SLAIN2: variants seen among roughly 807,000 people sequenced by gnomAD.
SLAIN2 encodes SLAIN motif-containing protein 2.
A neutral mutation model predicts 56.6 loss-of-function variants in SLAIN2; 31 were observed. The observed-to-expected ratio is 0.55, with a 90% confidence interval of 0.41 to 0.74. SLAIN2 has a LOEUF of 0.74. SLAIN2 is among the 30% of genes least tolerant of loss of function. SLAIN2 has a pLI of 0.00. For synonymous variants in SLAIN2, 317 were observed against 284.9 expected (o/e 1.11, Z -1.13); for missense variants, 777 against 754.2 (o/e 1.03, Z -0.35).
intron 6 of SLAIN2, among the ~76,000 whole-genome samples, chr4:48,401,162 T>G (rs1326617349): frequency 6.6e-6 from 1 of 152,222 alleles, no homozygotes; most frequent in Non-Finnish European, 1.5e-5. Context: ...GAGACTGTTA[T>G]GATTTCAGTT....
intron 1 of SLAIN2, among the ~76,000 whole-genome samples, chr4:48,360,807 A>G (rs1715307112): frequency 1.3e-5 from 2 of 152,154 alleles, no homozygotes; most frequent in Admixed American, 1.3e-4. Flanking sequence ...GCAACCACTG[A>G]TCAACTTGTC....
intron 1 of SLAIN2, among the ~76,000 whole-genome samples, chr4:48,353,668 G>A (rs1310390907): frequency 6.6e-6 from 1 of 152,118 alleles, no homozygotes; most frequent in Admixed American, 6.5e-5. Context: ...ACTAAGCTGT[G>A]GAGTATATCT....
chr4:48,349,660 C>A (rs1714960682), intron 1 of SLAIN2, among the ~76,000 whole-genome samples: 1 of 152,082 alleles, frequency 6.6e-6, no homozygotes, highest in African/African-American at 2.4e-5. Flanking sequence ...TTTAAAAAAT[C>A]CTATTGATAA....
Position 48,379,838 on chromosome 4 carries a change from G to A in SLAIN2, c.852G>A (p.Met284Ile). 1 of 1,549,752 alleles carries A rather than the reference G, an allele frequency of 6.5e-7. No homozygotes were observed. Among genetic ancestry groups the A allele is most frequent in the Admixed American group, 2.3e-5 (1 of 44,326 alleles). ...DVTDVQILAR[M>I]QEESLRQEYA... Reference sequence around the variant, plus strand: ...CTGATGTACAGATTCTAGCCCGGATGCAGGAAGAAAGTAAGTATTCTAATT... The same window carrying A: ...CTGATGTACAGATTCTAGCCCGGATACAGGAAGAAAGTAAGTATTCTAATT... The change falls in exon 4 of 8, where the codon ATG (methionine) becomes ATA (isoleucine). Residue 284 changes from methionine to isoleucine, a missense_variant. By Grantham distance (10) the Met-to-Ile change is conservative (BLOSUM62 1). Coordinates refer to ENST00000264313, the MANE Select transcript of SLAIN2 (RefSeq NM_020846.2).
At chr4:48,418,620 T>A (rs527806897) in intron 6 of SLAIN2, among the ~76,000 whole-genome samples, 14 of 152,338 alleles carry the variant, frequency 9.2e-5, no homozygotes, top group African/African-American at 3.1e-4. Context: ...TCTTTTTTGA[T>A]ACTGTCCTTT....
intron 1 of SLAIN2, among the ~76,000 whole-genome samples, chr4:48,345,665 A>AGG (rs1714845583): frequency 6.6e-6 from 1 of 152,000 alleles, no homozygotes; most frequent in South Asian, 2.1e-4. Flanking sequence ...CTTAAATATA[A>AGG]AGCTTTTATT....
intron 6 of SLAIN2, among the ~76,000 whole-genome samples, chr4:48,405,584 A>AT (rs1716671874): frequency 6.6e-6 from 1 of 151,980 alleles, no homozygotes; most frequent in Non-Finnish European, 1.5e-5. Context: ...AATTAATTGA[A>AT]TTGTTTTGCT....
chr4:48,386,781 G>A (rs1260861836), intron 6 of SLAIN2, among the ~76,000 whole-genome samples: 7 of 152,104 alleles, frequency 4.6e-5, no homozygotes, highest in Non-Finnish European at 5.9e-5. Flanking sequence ...GAGTGATACA[G>A]ATTAATTTGA....
At chr4:48,413,164 G>A (rs981097599) in intron 6 of SLAIN2, among the ~76,000 whole-genome samples, 8 of 151,844 alleles carry the variant, frequency 5.3e-5, no homozygotes, top group African/African-American at 9.7e-5. Context: ...TGAGGCAGAC[G>A]TTGCAGTGAA....
chr4:48,392,151 T>C (rs1285067103), intron 6 of SLAIN2, among the ~76,000 whole-genome samples: 3 of 152,328 alleles, frequency 2.0e-5, no homozygotes, highest in East Asian at 3.9e-4. Context: ...AGAATAACAT[T>C]GGATTTTTGT....
intron 6 of SLAIN2, among the ~76,000 whole-genome samples, chr4:48,398,708 C>T (rs187711185): frequency 6.6e-6 from 1 of 152,132 alleles, no homozygotes; most frequent in Non-Finnish European, 1.5e-5. Flanking sequence ...CAATTTTCTG[C>T]ATATGGCTAG....
At chr4:48,399,842 G>C (rs1254304375) in intron 6 of SLAIN2, among the ~76,000 whole-genome samples, 3 of 151,996 alleles carry the variant, frequency 2.0e-5, no homozygotes, top group East Asian at 3.9e-4. Context: ...CTTGCATCCC[G>C]AGGATAAAGC....
chr4:48,381,767 G>C (rs1222419331), intron 4 of SLAIN2, among the ~76,000 whole-genome samples: 1 of 152,142 alleles, frequency 6.6e-6, no homozygotes, highest in Admixed American at 6.5e-5. Flanking sequence ...TTTTTGACTG[G>C]AGTGCTAATA....
At chr4:48,383,812 A>G in intron 6 of SLAIN2, 28 bp downstream of exon 6, 2 of 1,591,322 alleles carry the variant, frequency 1.3e-6, no homozygotes, top group South Asian at 1.1e-5. Flanking sequence ...GCTTTCATGT[A>G]TCAGTTATTT....
In SLAIN2 at chr4:48,409,514, C is replaced by T. The variant is rs576241747; in HGVS notation, c.1361-10611C>T. Among the ~76,000 whole-genome samples the T allele has an allele frequency of 3.8e-4, 58 of 152,302 alleles. 1 individual carries two copies. The South Asian group carries it at 0.01, about 27-fold the overall frequency. ...CTTTTTATTGCCAAATATTCCATTGCGTGGATGCACCACATTTTGTTTATC... is the reference window on the plus strand; with the variant it reads ...CTTTTTATTGCCAAATATTCCATTGTGTGGATGCACCACATTTTGTTTATC... On this transcript the variant is annotated intron_variant, in intron 6 of 7. Coordinates refer to ENST00000264313, the MANE Select transcript of SLAIN2 (RefSeq NM_020846.2).
intron 1 of SLAIN2, among the ~76,000 whole-genome samples, chr4:48,364,689 C>G (rs1168762229): frequency 1.6e-5 from 2 of 123,164 alleles, no homozygotes; most frequent in African/African-American, 2.9e-5. Context: ...GCCCGGCCAA[C>G]ACAGCGAAAC....
rs146372412 is a variant in SLAIN2 at position 48,388,490 on chromosome 4, C to A, written c.1360+4706C>A. 9.9e-5 allele frequency among the ~76,000 whole-genome samples: 15 copies of A among 152,082 alleles called. No homozygotes were observed. In the East Asian group the frequency reaches 2.9e-3, roughly 29 times the overall value. ...AATCTACTGATTTAAAAAATGATACCCAAATTTTATTTGTTTGTAAATGTT... is the reference window on the plus strand; with the variant it reads ...AATCTACTGATTTAAAAAATGATACACAAATTTTATTTGTTTGTAAATGTT... On this transcript the variant is annotated intron_variant, in intron 6 of 7. Transcript: ENST00000264313.
chr4:48,359,912 T>C (rs1715271319), intron 1 of SLAIN2, among the ~76,000 whole-genome samples: 1 of 152,196 alleles, frequency 6.6e-6, no homozygotes, highest in Non-Finnish European at 1.5e-5. Flanking sequence ...TCCCAGCACT[T>C]TGAGAGGCTG....
intron 6 of SLAIN2, among the ~76,000 whole-genome samples, chr4:48,398,834 C>T (rs1716475951): frequency 6.6e-6 from 1 of 152,046 alleles, no homozygotes; most frequent in Admixed American, 6.6e-5. Flanking sequence ...TGAGTTCTCC[C>T]TTCTGTTCCA....
Sources: gnomAD v4.1 joint callset for allele counts (sites outside exome capture counted in the v4.1 genomes callset) on GRCh38, gnomAD v4.1.1 for gene constraint, MANE v1.5 for transcripts, NCBI Gene and HGNC (gene_info 2026-07-23, HGNC 2026-07-21) for gene names.